OPCML: variants seen among roughly 807,000 people sequenced by gnomAD.
OPCML encodes the protein opioid-binding protein/cell adhesion molecule.
In OPCML, 13 loss-of-function variants were observed where a neutral mutation model predicts 37.8. That is an observed-to-expected ratio of 0.34 (90% CI 0.22 to 0.55). The LOEUF (loss-of-function observed/expected upper bound fraction) is 0.55. Among genes scored for constraint, OPCML ranks in the 20% least tolerant of loss-of-function variants. The pLI, the probability that OPCML is intolerant of heterozygous loss-of-function variation, is 0.91. For synonymous variants in OPCML, 176 were observed against 168.8 expected, an observed-to-expected ratio of 1.04 and a Z score of -0.33; for missense variants, 341 against 435.6, an observed-to-expected ratio of 0.78 and a Z score of 1.93.
At chr11:133,499,850 ATACATACACATATATATATATATAT>A (rs1947871431) in intron 1 of OPCML, among the ~76,000 whole-genome samples, 2 of 134,016 alleles carry the variant, frequency 1.5e-5, no homozygotes, top group Non-Finnish European at 3.1e-5. Context: ...GTATATATAT[ATACATACACATATATATATATATAT>A]TTTTTTTTTT....
chr11:133,204,866 G>GTGTGTA (rs1938965061), intron 1 of OPCML, among the ~76,000 whole-genome samples: 4 of 25,216 alleles, frequency 1.6e-4, no homozygotes, highest in Admixed American at 7.0e-4. Flanking sequence ...ATATATATAT[G>GTGTGTA]TGTATATATA....
At chr11:132,633,123 C>T (rs1224904536) in intron 3 of OPCML, among the ~76,000 whole-genome samples, 1 of 152,132 alleles carries the variant, frequency 6.6e-6, no homozygotes, top group Non-Finnish European at 1.5e-5. Context: ...CGAAAATCTG[C>T]ACCAACAACA....
At chr11:132,894,115 G>C (rs1182499072) in intron 2 of OPCML, among the ~76,000 whole-genome samples, 2 of 152,014 alleles carry the variant, frequency 1.3e-5, no homozygotes, top group Non-Finnish European at 2.9e-5. Context: ...CTCCCATTCA[G>C]TCCTCAGTCT....
intron 2 of OPCML, among the ~76,000 whole-genome samples, chr11:132,797,589 T>G (rs2136194787): frequency 6.6e-6 from 1 of 152,308 alleles, no homozygotes; most frequent in African/African-American, 2.4e-5. Flanking sequence ...TTATAAATAT[T>G]TTGGTTTTCC....
chr11:132,759,060 A>T (rs573290540), intron 2 of OPCML, among the ~76,000 whole-genome samples: 2 of 152,296 alleles, frequency 1.3e-5, no homozygotes, highest in Non-Finnish European at 2.9e-5. Flanking sequence ...TGAAATAATC[A>T]TGTGGTTTTG....
At chr11:132,525,123 T>C (rs540405950) in intron 4 of OPCML, among the ~76,000 whole-genome samples, 10 of 152,314 alleles carry the variant, frequency 6.6e-5, no homozygotes, top group African/African-American at 2.4e-4. Context: ...GAGCTGTATT[T>C]TTTCCTTCAT....
At chr11:132,977,313 G>A (rs1946486269) in intron 1 of OPCML, among the ~76,000 whole-genome samples, 1 of 152,140 alleles carries the variant, frequency 6.6e-6, no homozygotes, top group Admixed American at 6.6e-5. Context: ...CCTGCCCTGG[G>A]CTCCTAAGGA....
At chr11:133,410,898 AG>A (rs1443964275) in intron 1 of OPCML, among the ~76,000 whole-genome samples, 1 of 152,180 alleles carries the variant, frequency 6.6e-6, no homozygotes, top group Admixed American at 6.5e-5. Flanking sequence ...TTTAACTCTT[AG>A]AGACCATGGG....
chr11:133,466,102 T>C (rs1946972317), intron 1 of OPCML, among the ~76,000 whole-genome samples: 2 of 152,308 alleles, frequency 1.3e-5, no homozygotes, highest in South Asian at 4.1e-4. Context: ...AGAAACCACA[T>C]GGCAATCCTG....
At chr11:132,695,355 A>G (rs542773605) in intron 2 of OPCML, among the ~76,000 whole-genome samples, 10 of 152,304 alleles carry the variant, frequency 6.6e-5, no homozygotes, top group African/African-American at 4.8e-5. Context: ...GGTGTATTCT[A>G]GGCCAAATAA....
chr11:132,818,612 A>AGATAGATAGATAGATAGATAGATAGAT (rs1168844624), intron 2 of OPCML, among the ~76,000 whole-genome samples: 6 of 46,618 alleles, frequency 1.3e-4, no homozygotes, highest in Middle Eastern at 0.019. Flanking sequence ...GATAGATGAT[A>AGATAGATAGATAGATAGATAGATAGAT]GATAGATAGA....
intron 1 of OPCML, among the ~76,000 whole-genome samples, chr11:132,948,774 G>A (rs970487252): frequency 2.6e-5 from 4 of 152,096 alleles, no homozygotes; most frequent in Admixed American, 6.5e-5. Flanking sequence ...ATGAATTATC[G>A]TTATGTAGCC....
chr11:133,314,097 TA>T (rs1565566331), intron 1 of OPCML, among the ~76,000 whole-genome samples: 15 of 135,250 alleles, frequency 1.1e-4, no homozygotes, highest in East Asian at 7.4e-4. Context: ...TAGCCGGGCG[TA>T]GTGGCGGGCG....
At chr11:133,396,948 T>G (rs758911681) in intron 1 of OPCML, among the ~76,000 whole-genome samples, 1 of 152,198 alleles carries the variant, frequency 6.6e-6, no homozygotes, top group Non-Finnish European at 1.5e-5. Flanking sequence ...TAGGATTGGT[T>G]TGGCCCCTAT....
intron 2 of OPCML, among the ~76,000 whole-genome samples, chr11:132,664,772 T>C (rs1174072602): frequency 1.1e-4 from 17 of 152,222 alleles, no homozygotes; most frequent in Non-Finnish European, 1.5e-5. Context: ...ACAGGGACCC[T>C]AAATTATGTA....
chr11:132,793,950 C>G lies in OPCML; in HGVS notation c.147-136631G>C, dbSNP rs370428021. On this transcript the variant is annotated intron_variant, in intron 2 of 7. Coordinates refer to ENST00000524381, the MANE Select transcript of OPCML (RefSeq NM_001012393.5). The stretch of plus-strand genomic sequence containing the variant: ...CTGCTTCATTCCCTGCCGTGACCCC[C>G]ATGCCCGTGGGGTAAAGACGGCTAC... Among the ~76,000 whole-genome samples, 30 of 152,366 alleles carry G rather than the reference C, an allele frequency of 2.0e-4. No individual in the cohort carries two copies. The South Asian group carries it at 2.1e-3, about 11-fold the overall frequency.
At chr11:132,508,493 G>T (rs631784) in intron 4 of OPCML, among the ~76,000 whole-genome samples, 152,220 of 152,230 alleles carry the variant, frequency 1, 76,105 homozygotes, top group Middle Eastern at 1. Context: ...GGAAGATCTA[G>T]TCACACACAC....
intron 1 of OPCML, among the ~76,000 whole-genome samples, chr11:133,170,071 T>G (rs748615331): frequency 2.6e-5 from 4 of 152,222 alleles, no homozygotes; most frequent in Non-Finnish European, 4.4e-5. Flanking sequence ...ACAATGAATA[T>G]GCACTGTGAA....
At chr11:132,527,356 A>G (rs1049521160) in intron 4 of OPCML, among the ~76,000 whole-genome samples, 8 of 152,194 alleles carry the variant, frequency 5.3e-5, no homozygotes, top group African/African-American at 1.9e-4. Flanking sequence ...GAGTTAATAT[A>G]TAAAGCTTCA....
Sources: allele counts gnomAD v4.1 joint callset (sites outside exome capture counted in the v4.1 genomes callset), GRCh38; gene constraint gnomAD v4.1.1; transcripts MANE v1.5; gene names NCBI Gene and HGNC (gene_info 2026-07-23, HGNC 2026-07-21).